The following RXRA variants were observed in gnomAD, a reference collection of about 807,000 sequenced individuals.
The protein encoded by RXRA is retinoic acid receptor RXR-alpha.
A neutral mutation model predicts 44.5 loss-of-function variants in RXRA; 5 were observed. That is an observed-to-expected ratio of 0.11 (90% confidence interval 0.06 to 0.24). The LOEUF (loss-of-function observed/expected upper bound fraction) is 0.24, where lower values mean the gene tolerates loss of function less well. Ranked by LOEUF, RXRA falls within the 10% of genes least tolerant of loss-of-function variation. RXRA has a pLI of 1.00. For synonymous variants in RXRA, 291 were observed against 271.4 expected, an observed-to-expected ratio of 1.07 and a Z score of -0.71; for missense variants, 412 against 646.5, an observed-to-expected ratio of 0.64 and a Z score of 3.93.
chr9:134,390,725 A>G (rs2119121056), intron 1 of RXRA, among the ~76,000 whole-genome samples: 1 of 152,248 alleles, frequency 6.6e-6, no homozygotes, highest in African/African-American at 2.4e-5. Context: ...TGATGGGGGA[A>G]GTCCTGCTCA....
At chr9:134,344,702 C>T (rs1262536642) in intron 1 of RXRA, among the ~76,000 whole-genome samples, 6 of 152,200 alleles carry the variant, frequency 3.9e-5, no homozygotes, top group Admixed American at 6.5e-5. Flanking sequence ...TGGCCACGGA[C>T]GCCCCTTCAT....
At chr9:134,395,452 G>A (rs1830863422) in intron 1 of RXRA, among the ~76,000 whole-genome samples, 1 of 152,238 alleles carries the variant, frequency 6.6e-6, no homozygotes, top group Non-Finnish European at 1.5e-5. Context: ...GAGCAGGCTG[G>A]TCAGGGCTCT....
intron 1 of RXRA, among the ~76,000 whole-genome samples, chr9:134,357,671 A>T (rs1047968754): frequency 2.0e-5 from 3 of 152,176 alleles, no homozygotes; most frequent in Non-Finnish European, 4.4e-5. Flanking sequence ...TTGCTAGGGA[A>T]TGCCCTGCTT....
chr9:134,326,869 A>G (rs1176700743), intron 1 of RXRA, among the ~76,000 whole-genome samples: 4 of 95,632 alleles, frequency 4.2e-5, no homozygotes, highest in Admixed American at 3.9e-4. Flanking sequence ...GGGGCTGGGC[A>G]GCGGGCGGGC....
At chr9:134,415,820 G>A (rs1226805329) in intron 4 of RXRA, among the ~76,000 whole-genome samples, 1 of 152,218 alleles carries the variant, frequency 6.6e-6, no homozygotes, top group Non-Finnish European at 1.5e-5. Flanking sequence ...GAGAGGCCTT[G>A]ACTGGAGTAG....
At chr9:134,424,046 TGGCA>T in intron 6 of RXRA, 1 of 985,460 alleles carries the variant, frequency 1.0e-6, no homozygotes, top group Non-Finnish European at 1.2e-6. Context: ...TCCCATGTTC[TGGCA>T]GCTTCTGGCT....
chr9:134,414,365 C>T (rs1413613578), intron 4 of RXRA, among the ~76,000 whole-genome samples: 2 of 152,234 alleles, frequency 1.3e-5, no homozygotes, highest in Admixed American at 6.5e-5. Flanking sequence ...GGCACCGGGC[C>T]GGGCTGGCGC....
intron 1 of RXRA, among the ~76,000 whole-genome samples, chr9:134,350,677 CG>C (rs1248318884): frequency 6.6e-6 from 1 of 152,248 alleles, no homozygotes; most frequent in African/African-American, 2.4e-5. Flanking sequence ...CCCTTCCCCA[CG>C]GAGAAGCCAG....
Position 134,366,307 on chromosome 9 carries a change from A to ACC in RXRA, c.29-35318_29-35317dup, listed in dbSNP as rs368560185. On this transcript the variant is annotated intron_variant, in intron 1 of 9. Transcript: ENST00000481739. This position sits in a 1 kb window ranked among gnomAD's most constrained non-coding sequence, Gnocchi z 5.9. ...AGTGCCACAGCCTCTCCCTCTGCCC[A>ACC]CCCCCCCCATGCCTGCCCTGCCAGC... Among the ~76,000 whole-genome samples, 4 of 148,992 alleles carry ACC rather than the reference A, an allele frequency of 2.7e-5. No homozygotes were observed. The highest frequency in any genetic ancestry group is 9.9e-5 in the African/African-American group (4 of 40,310).
chr9:134,422,567 C>T, intron 6 of RXRA: 2 of 1,156,614 alleles, frequency 1.7e-6, no homozygotes, highest in South Asian at 1.5e-5. Context: ...GTCCCCACTC[C>T]CGGGACACTC....
intron 1 of RXRA, among the ~76,000 whole-genome samples, chr9:134,341,642 C>T (rs1278286546): frequency 1.1e-4 from 17 of 152,208 alleles, no homozygotes; most frequent in Non-Finnish European, 1.3e-4. Flanking sequence ...TGGGCTGGCT[C>T]GCAGCTTGGC....
At chr9:134,373,698 C>T (rs906553724) in intron 1 of RXRA, among the ~76,000 whole-genome samples, 1 of 152,354 alleles carries the variant, frequency 6.6e-6, no homozygotes, top group East Asian at 1.9e-4. Flanking sequence ...TGAGTGGCAC[C>T]TCCCACAGGA....
intron 1 of RXRA, among the ~76,000 whole-genome samples, chr9:134,385,229 C>A (rs1332435263): frequency 6.6e-6 from 1 of 152,178 alleles, no homozygotes; most frequent in Non-Finnish European, 1.5e-5. Context: ...GAAAGCTGCA[C>A]GTCCACACCC....
chr9:134,344,254 G>A (rs879970869), intron 1 of RXRA, among the ~76,000 whole-genome samples: 8 of 152,132 alleles, frequency 5.3e-5, no homozygotes, highest in Non-Finnish European at 7.4e-5. Flanking sequence ...CGGCATGTGC[G>A]GAGGCTGTGG....
At position 134,343,050 on chromosome 9, in the gene RXRA, A is replaced by G. The variant is rs571616960; in HGVS notation, c.28+16391A>G. 2.6e-5 allele frequency among the ~76,000 whole-genome samples: 4 copies of G among 152,298 alleles called. No homozygotes were observed. In the East Asian group the frequency reaches 7.7e-4, roughly 29 times the overall value. Reference sequence around the variant, plus strand: ...CAGATTATGGGATTTTCACCTGCCCAGCCCTGGGAGGTGTCTTGGACCCAG... The same window carrying G: ...CAGATTATGGGATTTTCACCTGCCCGGCCCTGGGAGGTGTCTTGGACCCAG... On this transcript the variant is annotated intron_variant, in intron 1 of 9. Transcript: ENST00000481739. This position sits in a 1 kb window ranked among gnomAD's most constrained non-coding sequence, Gnocchi z 4.1.
At chr9:134,376,032 C>G (rs1277399494) in intron 1 of RXRA, among the ~76,000 whole-genome samples, 1 of 148,894 alleles carries the variant, frequency 6.7e-6, no homozygotes, top group African/African-American at 2.5e-5. Flanking sequence ...GCGGGCAGAT[C>G]ATGACAAGCC....
At chr9:134,376,566 G>A (rs1366590925) in intron 1 of RXRA, among the ~76,000 whole-genome samples, 3 of 12,032 alleles carry the variant, frequency 2.5e-4, no homozygotes, top group Non-Finnish European at 7.8e-4. Flanking sequence ...CGGCCAGGGC[G>A]ACCTTTGTGT....
intron 1 of RXRA, among the ~76,000 whole-genome samples, chr9:134,347,970 C>G (rs1370998393): frequency 6.6e-6 from 1 of 152,008 alleles, no homozygotes; most frequent in Non-Finnish European, 1.5e-5. Flanking sequence ...AGTCCGTGGC[C>G]ACTTAGGAGG....
intron 9 of RXRA, among the ~76,000 whole-genome samples, chr9:134,434,873 C>CGGGGG (rs1831591429): frequency 9.0e-4 from 98 of 108,798 alleles, no homozygotes; most frequent in African/African-American, 4.1e-3. Context: ...GGGAGGGGGT[C>CGGGGG]GGGGGAGGTG....
Sources: allele counts gnomAD v4.1 joint callset (sites outside exome capture counted in the v4.1 genomes callset), GRCh38; gene constraint gnomAD v4.1.1; non-coding constraint Gnocchi (gnomAD v3.1); transcripts MANE v1.5; gene names NCBI Gene and HGNC (gene_info 2026-07-23, HGNC 2026-07-21).